The following ACAA2 variants were observed in gnomAD, a reference collection of about 807,000 sequenced individuals.
ACAA2 encodes the protein 3-ketoacyl-CoA thiolase, mitochondrial.
A neutral mutation model predicts 44.8 loss-of-function variants in ACAA2; 35 were observed. The observed-to-expected ratio is 0.78, with a 90% confidence interval of 0.60 to 1.04. The LOEUF (loss-of-function observed/expected upper bound fraction) is 1.04, where lower values mean the gene tolerates loss of function less well. Among genes scored for constraint, ACAA2 ranks in the 50% least tolerant of loss-of-function variants. The probability of loss-of-function intolerance (pLI) is 0.00; values close to 1 mark genes in which losing one functional copy is unlikely to be tolerated. For synonymous variants in ACAA2, 142 were observed against 166.5 expected (o/e 0.85, Z 1.13); for missense variants, 468 against 482.6 (o/e 0.97, Z 0.28).
At chr18:49,800,698 A>G (rs1299165358) in intron 2 of ACAA2, among the ~76,000 whole-genome samples, 1 of 152,108 alleles carries the variant, frequency 6.6e-6, no homozygotes, top group Non-Finnish European at 1.5e-5. Context: ...CTTGAAAGGC[A>G]GCATGCTTGT....
intron 1 of ACAA2, among the ~76,000 whole-genome samples, chr18:49,805,793 G>A (rs140573335): frequency 0.085 from 12,609 of 149,096 alleles, 646 homozygotes; most frequent in African/African-American, 0.15. Context: ...GTCTTGCTAT[G>A]TTTCCCAGGC....
At chr18:49,797,918 T>G (rs1424735679) in intron 2 of ACAA2, among the ~76,000 whole-genome samples, 1 of 152,224 alleles carries the variant, frequency 6.6e-6, no homozygotes, top group African/African-American at 2.4e-5. Context: ...CCACAGTCAA[T>G]TGGTTTTCAA....
At chr18:49,804,844 A>T (rs898608915) in intron 1 of ACAA2, among the ~76,000 whole-genome samples, 2 of 152,202 alleles carry the variant, frequency 1.3e-5, no homozygotes, top group Admixed American at 1.3e-4. Flanking sequence ...TATGATTATG[A>T]TGTGAGTGGT....
chr18:49,795,649 C>T, intron 4 of ACAA2, 116 bp downstream of exon 4: 1 of 568,430 alleles, frequency 1.8e-6, no homozygotes, highest in Non-Finnish European at 3.1e-6. Context: ...CTTGCCAATC[C>T]TCATCAACGA....
At chr18:49,803,895 A>G (rs185359506) in intron 1 of ACAA2, among the ~76,000 whole-genome samples, 187 of 149,444 alleles carry the variant, frequency 1.3e-3, no homozygotes, top group African/African-American at 4.5e-3. Context: ...GACAACATAA[A>G]CTAATGATAT....
At chr18:49,794,525 A>C in intron 4 of ACAA2, 98 bp from the exon 5 acceptor site, 1 of 952,032 alleles carries the variant, frequency 1.1e-6, no homozygotes, top group Non-Finnish European at 1.4e-6. Context: ...CAATAAACAA[A>C]AGTAAAATTA....
intron 2 of ACAA2, among the ~76,000 whole-genome samples, chr18:49,801,876 T>C (rs1032651809): frequency 6.6e-6 from 1 of 150,638 alleles, no homozygotes. Context: ...ATAGCACCTA[T>C]AATAGCCTCT....
chr18:49,796,161 A>C (rs2023462794), intron 3 of ACAA2, among the ~76,000 whole-genome samples: 1 of 152,190 alleles, frequency 6.6e-6, no homozygotes, highest in South Asian at 2.1e-4. Context: ...ACACAATATA[A>C]ATCTTGAAAA....
At chr18:49,809,663 T>C (rs2023647697) in intron 1 of ACAA2, among the ~76,000 whole-genome samples, 1 of 152,230 alleles carries the variant, frequency 6.6e-6, no homozygotes, top group Admixed American at 6.5e-5. Context: ...ACATGATATC[T>C]GGAAAAGGCA....
At chr18:49,796,148 T>C (rs1376896064) in intron 3 of ACAA2, among the ~76,000 whole-genome samples, 14 of 152,184 alleles carry the variant, frequency 9.2e-5, no homozygotes, top group Non-Finnish European at 7.4e-5. Flanking sequence ...ATAGTAATTC[T>C]TAACACAATA....
chr18:49,792,469 G>T, intron 5 of ACAA2, 142 bp from the exon 6 acceptor site: 1 of 800,220 alleles, frequency 1.2e-6, no homozygotes, highest in Non-Finnish European at 1.9e-6. Flanking sequence ...TTTTGAGATG[G>T]AGTCTCACAT....
intron 1 of ACAA2, among the ~76,000 whole-genome samples, chr18:49,807,851 C>T (rs1187515140): frequency 6.6e-6 from 1 of 152,040 alleles, no homozygotes; most frequent in African/African-American, 2.4e-5. Context: ...TAAATAACCT[C>T]TGCTCTGCAA....
At chr18:49,807,954 A>G (rs2143980429) in intron 1 of ACAA2, among the ~76,000 whole-genome samples, 2 of 152,094 alleles carry the variant, frequency 1.3e-5, no homozygotes, top group South Asian at 4.2e-4. Flanking sequence ...TATCCAAAAC[A>G]TACAAAGTGT....
intron 3 of ACAA2, 149 bp downstream of exon 3, chr18:49,797,317 G>A (rs1303159452): frequency 2.1e-6 from 1 of 478,224 alleles, no homozygotes. Context: ...TGTTGCCCAT[G>A]GCTGGAGTGC....
At chr18:49,784,835 CT>C (rs1200092152) in intron 9 of ACAA2, among the ~76,000 whole-genome samples, 2 of 151,564 alleles carry the variant, frequency 1.3e-5, no homozygotes, top group Non-Finnish European at 2.9e-5. Flanking sequence ...TCACTCAGTA[CT>C]TTTTTTTTCT....
intron 1 of ACAA2, among the ~76,000 whole-genome samples, chr18:49,809,831 T>TATACA (rs368170977): frequency 1.5e-3 from 222 of 152,324 alleles, no homozygotes; most frequent in African/African-American, 5.2e-3. Context: ...CCCATAGAAC[T>TATACA]ATACAATACA....
At chr18:49,796,179 A>C (rs1370970055) in intron 3 of ACAA2, among the ~76,000 whole-genome samples, 1 of 152,174 alleles carries the variant, frequency 6.6e-6, no homozygotes, top group South Asian at 2.1e-4. Context: ...AAATCAACAG[A>C]TATTAATACC....
At chr18:49,790,248 T>C (rs1433277074) in intron 7 of ACAA2, among the ~76,000 whole-genome samples, 1 of 152,238 alleles carries the variant, frequency 6.6e-6, no homozygotes, top group Non-Finnish European at 1.5e-5. Flanking sequence ...CTGACATAAA[T>C]TTGAGACACA....
chr18:49,797,730 C>G, intron 2 of ACAA2, 136 bp from the exon 3 acceptor site: 1 of 596,688 alleles, frequency 1.7e-6, no homozygotes, highest in Non-Finnish European at 2.8e-6. Flanking sequence ...CAAAATGCAT[C>G]TAAGTACAGC....
Sources: allele counts gnomAD v4.1 joint callset (sites outside exome capture counted in the v4.1 genomes callset), GRCh38; gene constraint gnomAD v4.1.1; transcripts MANE v1.5; gene names NCBI Gene and HGNC (gene_info 2026-07-23, HGNC 2026-07-21).